ZNF540: variants seen among roughly 807,000 people sequenced by gnomAD.
ZNF540 encodes CTD-3064H18.6.
In ZNF540, 3 loss-of-function variants were observed where a neutral mutation model predicts 11.8. That is an observed-to-expected ratio of 0.25 (90% CI 0.12 to 0.65). The LOEUF (loss-of-function observed/expected upper bound fraction) is 0.65, where lower values mean the gene tolerates loss of function less well. Among genes scored for constraint, ZNF540 ranks in the 30% least tolerant of loss-of-function variants. The probability of loss-of-function intolerance (pLI) is 0.83; values close to 1 mark genes in which losing one functional copy is unlikely to be tolerated. For missense variants in ZNF540, 709 were observed against 793.1 expected, an observed-to-expected ratio of 0.89 and a Z score of 1.27; for synonymous variants, 247 against 259.0, an observed-to-expected ratio of 0.95 and a Z score of 0.45.
chr19:37,599,832 A>G (rs2044025435), intron 3 of ZNF540, 80 bp downstream of exon 3: 1 of 1,425,642 alleles, frequency 7.0e-7, no homozygotes, highest in South Asian at 1.5e-5. Flanking sequence ...AGGACTAATT[A>G]TTAAGAAACT....
intron 2 of ZNF540, among the ~76,000 whole-genome samples, chr19:37,598,838 T>G (rs1568365985): frequency 2.0e-5 from 3 of 152,116 alleles, no homozygotes; most frequent in Non-Finnish European, 4.4e-5. Flanking sequence ...TTGGCCTCAG[T>G]TTCAGTATGT....
chr19:37,584,122 A>G (rs972028676), intron 1 of ZNF540: 1 of 1,613,712 alleles, frequency 6.2e-7, no homozygotes, highest in Non-Finnish European at 8.5e-7. Flanking sequence ...CCATTACAGG[A>G]TGATTCTACA....
At chr19:37,579,489 G>A (rs979951690) in intron 1 of ZNF540, among the ~76,000 whole-genome samples, 1 of 152,146 alleles carries the variant, frequency 6.6e-6, no homozygotes, top group African/African-American at 2.4e-5. Flanking sequence ...TAACCAATGG[G>A]GAAAGGATTC....
At chr19:37,565,333 A>G in intron 1 of ZNF540, 1 of 1,612,830 alleles carries the variant, frequency 6.2e-7, no homozygotes, top group Non-Finnish European at 8.5e-7. Context: ...CGCATTCTTT[A>G]CATTCATAGG....
intron 4 of ZNF540, 70 bp from the exon 5 acceptor site, chr19:37,611,443 G>A: frequency 7.7e-7 from 1 of 1,299,800 alleles, no homozygotes; most frequent in South Asian, 1.6e-5. Context: ...TTCCTATTTT[G>A]AAAATGTAAA....
intron 3 of ZNF540, among the ~76,000 whole-genome samples, chr19:37,600,587 T>G (rs1276643472): frequency 1.3e-5 from 2 of 151,976 alleles, no homozygotes; most frequent in East Asian, 1.9e-4. Flanking sequence ...AAAAAGAAAA[T>G]AAAAGGTACT....
intron 1 of ZNF540, chr19:37,565,479 T>G: frequency 6.2e-7 from 1 of 1,613,310 alleles, no homozygotes; most frequent in Non-Finnish European, 8.5e-7. Flanking sequence ...GAACCAAGAA[T>G]AAAGGCCTTT....
chr19:37,571,152 C>T (rs1378056059), intron 1 of ZNF540, among the ~76,000 whole-genome samples: 1 of 152,060 alleles, frequency 6.6e-6, no homozygotes, highest in Non-Finnish European at 1.5e-5. Context: ...TTTATAGGAG[C>T]CCTAATAACT....
chr19:37,554,299 T>C (rs549091224), intron 1 of ZNF540, among the ~76,000 whole-genome samples: 1 of 152,236 alleles, frequency 6.6e-6, no homozygotes, highest in Non-Finnish European at 1.5e-5. Context: ...GCTGTGCCCA[T>C]GTTGCTGCAA....
chr19:37,604,825 G>GTT (rs2147230191), intron 4 of ZNF540, among the ~76,000 whole-genome samples: 1 of 152,162 alleles, frequency 6.6e-6, no homozygotes, highest in African/African-American at 2.4e-5. Flanking sequence ...GCCCGTGACA[G>GTT]GCAACTAAGT....
chr19:37,579,830 T>C (rs1488442649), intron 1 of ZNF540, among the ~76,000 whole-genome samples: 1 of 152,196 alleles, frequency 6.6e-6, no homozygotes, highest in African/African-American at 2.4e-5. Flanking sequence ...TTAATATACT[T>C]TTTTTGATCC....
intron 1 of ZNF540, among the ~76,000 whole-genome samples, chr19:37,559,398 TATAAAG>T (rs1310617350): frequency 4.6e-5 from 7 of 152,198 alleles, no homozygotes; most frequent in African/African-American, 1.4e-4. Flanking sequence ...AGAATAAACA[TATAAAG>T]ATATTTATTG....
chr19:37,592,990 A>C (rs2043910706), upstream of ZNF540, among the ~76,000 whole-genome samples: 2 of 152,228 alleles, frequency 1.3e-5, no homozygotes, highest in Admixed American at 1.3e-4. Context: ...TCCAGATTTG[A>C]ACACACCTAT....
intron 1 of ZNF540, among the ~76,000 whole-genome samples, chr19:37,574,231 C>T (rs925194581): frequency 4.6e-5 from 7 of 152,058 alleles, no homozygotes; most frequent in African/African-American, 1.7e-4. Context: ...TTATTAAAAC[C>T]GCAACGTATG....
Position 37,588,099 on chromosome 19 carries a change from C to CAAAAAAA in ZNF540, c.-72-10254_-72-10248dup, listed in dbSNP as rs58516591. Among the ~76,000 whole-genome samples the CAAAAAAA allele has an allele frequency of 6.3e-4, 29 of 45,748 alleles. 1 individual carries two copies. Among genetic ancestry groups the CAAAAAAA allele is most frequent in the Non-Finnish European group, 8.8e-4 (23 of 26,244 alleles). 30.0% of individuals were successfully genotyped at this position (45,748 alleles called of 152,430 possible). On this transcript the variant is annotated intron_variant, in intron 1 of 4. Transcript: ENST00000592533. ...TGGGTGACAGAGCGAGACTCCATCTCAAAAAAAAAAAAAAAAAAAAAAAAA... is the reference window on the plus strand; with the variant it reads ...TGGGTGACAGAGCGAGACTCCATCTCAAAAAAAAAAAAAAAAAAAAAAAAAAAAAAAA...
At chr19:37,587,784 C>G (rs1357702909) in intron 1 of ZNF540, among the ~76,000 whole-genome samples, 1 of 152,060 alleles carries the variant, frequency 6.6e-6, no homozygotes, top group African/African-American at 2.4e-5. Context: ...TCCCCGCTAA[C>G]CAATTTTCAC....
Position 37,556,299 on chromosome 19 carries a change from G to T in ZNF540, c.-73+4634G>T, listed in dbSNP as rs763102661. On this transcript the variant is annotated intron_variant, in intron 1 of 4. Coordinates refer to the ZNF540 transcript ENST00000592533. ...GTAGGAAGGCGCAAAGGACATAACAGGCAAAAACAAACAAGTGAGGTAGAT... is the reference window on the plus strand; with the variant it reads ...GTAGGAAGGCGCAAAGGACATAACATGCAAAAACAAACAAGTGAGGTAGAT... 3.7e-5 allele frequency: 22 copies of T among 592,104 alleles called. No individual in the cohort carries two copies. In the South Asian group the frequency reaches 4.6e-4, roughly 12 times the overall value. The allele number at this position is 592,104 out of a possible 1,614,324, so 36.7% of individuals were successfully genotyped here. A position where few individuals can be genotyped will look rare whatever the true frequency, so the allele number is the denominator to read the frequency against.
chr19:37,599,217 AGAG>A (rs1322102212), intron 2 of ZNF540, among the ~76,000 whole-genome samples: 1 of 152,174 alleles, frequency 6.6e-6, no homozygotes. Context: ...TAAAGGAAAA[AGAG>A]GATATAGGAT....
At chr19:37,574,512 A>G (rs755037953) in intron 1 of ZNF540, among the ~76,000 whole-genome samples, 7 of 152,232 alleles carry the variant, frequency 4.6e-5, no homozygotes, top group Non-Finnish European at 8.8e-5. Flanking sequence ...TCATGCTTTA[A>G]CTACCTTAAG....
Sources: allele counts gnomAD v4.1 joint callset (sites outside exome capture counted in the v4.1 genomes callset), GRCh38; gene constraint gnomAD v4.1.1; transcripts MANE v1.5; gene names NCBI Gene and HGNC (gene_info 2026-07-23, HGNC 2026-07-21).